The following CATSPERB variants were observed in gnomAD, a reference collection of about 807,000 sequenced individuals.
The protein encoded by CATSPERB is catsper channel auxiliary subunit beta.
CATSPERB carries 93 observed loss-of-function variants against 128.3 expected under a neutral mutation model. That is an observed-to-expected ratio of 0.72 (90% CI 0.61 to 0.86). CATSPERB has a LOEUF of 0.86. Among genes scored for constraint, CATSPERB ranks in the 40% least tolerant of loss-of-function variants. CATSPERB has a pLI of 0.00. For synonymous variants in CATSPERB, 381 were observed against 448.8 expected (o/e 0.85, Z 1.91); for missense variants, 1,153 against 1,329.5 (o/e 0.87, Z 2.06).
At chr14:91,699,733 C>T (rs1895616953) in intron 7 of CATSPERB, among the ~76,000 whole-genome samples, 1 of 151,760 alleles carries the variant, frequency 6.6e-6, no homozygotes, top group South Asian at 2.1e-4. Flanking sequence ...ACTACCACGC[C>T]CTACTAATTT....
chr14:91,639,258 G>T lies in CATSPERB; in HGVS notation c.1433-8C>A. 2 of 1,610,678 alleles carry T rather than the reference G, an allele frequency of 1.2e-6. No homozygotes were observed. The highest frequency in any genetic ancestry group is 1.7e-6 in the Non-Finnish European group (2 of 1,178,474). ...CACTGTATCTTCCCATTCCTATTAG[G>T]AAATACAGAGAAGTGTCTTGATACT... On this transcript the variant is annotated splice_region_variant and splice_polypyrimidine_tract_variant and intron_variant, in intron 15 of 26. Transcript: ENST00000256343.
intron 22 of CATSPERB, among the ~76,000 whole-genome samples, chr14:91,594,009 T>C (rs1893456071): frequency 6.6e-6 from 1 of 152,232 alleles, no homozygotes; most frequent in African/African-American, 2.4e-5. Flanking sequence ...CTCCTCATTT[T>C]CTCTTGCTGC....
At chr14:91,593,391 C>T (rs1301941330) in intron 22 of CATSPERB, among the ~76,000 whole-genome samples, 1 of 152,252 alleles carries the variant, frequency 6.6e-6, no homozygotes, top group African/African-American at 2.4e-5. Flanking sequence ...AGGATGGAGG[C>T]TGTACCCTGC....
intron 20 of CATSPERB, among the ~76,000 whole-genome samples, chr14:91,615,356 C>T (rs1893916480): frequency 6.6e-6 from 1 of 152,186 alleles, no homozygotes; most frequent in Admixed American, 6.5e-5. Flanking sequence ...CATCCTGAAA[C>T]CATGCCCCCG....
chr14:91,592,015 G>T lies in CATSPERB; in HGVS notation c.2710-13C>A, dbSNP rs771198614. The T allele has an allele frequency of 1.3e-6, 2 of 1,539,896 alleles. No individual in the cohort carries two copies. The highest frequency in any genetic ancestry group is 9.0e-7 in the Non-Finnish European group (1 of 1,112,962). On this transcript the variant is annotated splice_polypyrimidine_tract_variant and intron_variant, in intron 22 of 26. Coordinates refer to ENST00000256343, the MANE Select transcript of CATSPERB (RefSeq NM_024764.4). ...ATTTACCGGTTTTCTGCAAATAGAA[G>T]TAACAGATGTTGACTTGTTTTTCTG... is the stretch of plus-strand genomic sequence containing the variant.
At chr14:91,635,170 C>T (rs746634927) in intron 17 of CATSPERB, among the ~76,000 whole-genome samples, 1 of 152,012 alleles carries the variant, frequency 6.6e-6, no homozygotes, top group African/African-American at 2.4e-5. Flanking sequence ...AGGGCAGAGT[C>T]CTCATGACCT....
At chr14:91,713,072 T>G (rs1038503081) in intron 5 of CATSPERB, among the ~76,000 whole-genome samples, 4 of 152,216 alleles carry the variant, frequency 2.6e-5, no homozygotes, top group African/African-American at 9.7e-5. Flanking sequence ...AAGGGTCAGA[T>G]AGTAAATATT....
chr14:91,603,264 A>G (rs1226813805), intron 22 of CATSPERB: 1 of 1,127,562 alleles, frequency 8.9e-7, no homozygotes, highest in Non-Finnish European at 1.4e-6. Flanking sequence ...CAAAGCCAGC[A>G]TATATTATTC....
chr14:91,707,270 C>G (rs568908173), intron 6 of CATSPERB, among the ~76,000 whole-genome samples: 5 of 152,074 alleles, frequency 3.3e-5, no homozygotes, highest in Admixed American at 2.0e-4. Context: ...ATTTGTGAAG[C>G]TTTTTGCTGC....
chr14:91,638,488 G>A lies in CATSPERB; in HGVS notation c.1587+608C>T, dbSNP rs562952421. Among the ~76,000 whole-genome samples the A allele has an allele frequency of 4.3e-4, 65 of 151,666 alleles. No individual in the cohort carries two copies. The South Asian group carries it at 1.0e-2, about 23-fold the overall frequency. Reference sequence around the variant, plus strand: ...CACAGCTCACTTCAGCAGCGTGATCGCAGTTCACTTCAGCCTCAACTTCCC... The same window carrying A: ...CACAGCTCACTTCAGCAGCGTGATCACAGTTCACTTCAGCCTCAACTTCCC... On this transcript the variant is annotated intron_variant, in intron 16 of 26. Transcript: ENST00000256343.
rs781763318 is a variant in CATSPERB, at chr14:91,693,267, G to T, written c.713-23C>A. 2.5e-6 allele frequency: 4 copies of T among 1,579,258 alleles called. No homozygotes were observed. The South Asian group carries it at 4.5e-5, about 18-fold the overall frequency. On this transcript the variant is annotated intron_variant, in intron 8 of 26. Coordinates refer to ENST00000256343, the MANE Select transcript of CATSPERB (RefSeq NM_024764.4). ...ATTCTAAACGAAGAAATCATACCAT[G>T]GATTAAAAAGTAAGAAAAAAGTGAG...
intron 22 of CATSPERB, among the ~76,000 whole-genome samples, chr14:91,607,715 T>C (rs1054452910): frequency 6.6e-6 from 1 of 152,180 alleles, no homozygotes; most frequent in Non-Finnish European, 1.5e-5. Flanking sequence ...TGAATGAATA[T>C]GACTGTCTGT....
At chr14:91,730,080 T>C (rs187362424) in intron 1 of CATSPERB, among the ~76,000 whole-genome samples, 58 of 152,308 alleles carry the variant, frequency 3.8e-4, no homozygotes, top group African/African-American at 8.7e-4. Flanking sequence ...GCATCCATTA[T>C]GGGCTCAATT....
At chr14:91,675,244 G>T (rs1342814441) in intron 11 of CATSPERB, among the ~76,000 whole-genome samples, 4 of 152,236 alleles carry the variant, frequency 2.6e-5, no homozygotes, top group Non-Finnish European at 5.9e-5. Context: ...AATATTAGCT[G>T]CTGATGGCTA....
At chr14:91,656,244 A>G (rs10146233) in intron 15 of CATSPERB, among the ~76,000 whole-genome samples, 12,723 of 152,230 alleles carry the variant, frequency 0.084, 566 homozygotes, top group Middle Eastern at 0.16. Flanking sequence ...ATCTGAAGGT[A>G]CAAAACTCAC....
chr14:91,708,047 T>C (rs1895765044), intron 6 of CATSPERB, 94 bp downstream of exon 6: 1 of 800,828 alleles, frequency 1.2e-6, no homozygotes, highest in Non-Finnish European at 2.2e-6. Context: ...TTTTAATCTC[T>C]AGGACCTTAG....
intron 7 of CATSPERB, among the ~76,000 whole-genome samples, chr14:91,695,972 G>A (rs1233904053): frequency 6.6e-6 from 1 of 152,182 alleles, no homozygotes; most frequent in Non-Finnish European, 1.5e-5. Flanking sequence ...TAATTGGGAT[G>A]AGAAATACTG....
chr14:91,684,480 T>C (rs1050107147), intron 10 of CATSPERB, among the ~76,000 whole-genome samples: 5 of 152,200 alleles, frequency 3.3e-5, no homozygotes, highest in African/African-American at 1.2e-4. Flanking sequence ...ACCTTCAAAT[T>C]TCTGTTGGGA....
At chr14:91,683,473 C>G (rs905669359) in intron 11 of CATSPERB, among the ~76,000 whole-genome samples, 2 of 151,894 alleles carry the variant, frequency 1.3e-5, no homozygotes, top group African/African-American at 2.4e-5. Flanking sequence ...TCTTGGTTTC[C>G]CTCCCTTCCC....
Sources: gnomAD v4.1 joint callset for allele counts (sites outside exome capture counted in the v4.1 genomes callset) on GRCh38, gnomAD v4.1.1 for gene constraint, MANE v1.5 for transcripts, NCBI Gene and HGNC (gene_info 2026-07-23, HGNC 2026-07-21) for gene names.